DLGAP2: variants seen among roughly 807,000 people sequenced by gnomAD.
The protein encoded by DLGAP2 is DLG associated protein 2, also known as disks large-associated protein 2.
In DLGAP2, 26 loss-of-function variants were observed where a neutral mutation model predicts 100.3. That is an observed-to-expected ratio of 0.26 (90% CI 0.19 to 0.36). DLGAP2 has a LOEUF of 0.36. Ranked by LOEUF, DLGAP2 falls within the 10% of genes least tolerant of loss-of-function variation. The pLI, the probability that DLGAP2 is intolerant of heterozygous loss-of-function variation, is 1.00. For missense variants in DLGAP2, 1,858 were observed against 1,453.2 expected, an observed-to-expected ratio of 1.28 and a Z score of -4.53; for synonymous variants, 886 against 630.1, an observed-to-expected ratio of 1.41 and a Z score of -6.08.
intron 3 of DLGAP2, among the ~76,000 whole-genome samples, chr8:1,325,010 C>G (rs931831099): frequency 6.6e-6 from 1 of 152,194 alleles, no homozygotes; most frequent in African/African-American, 2.4e-5. Context: ...CTGTACTTCC[C>G]CAGGCCAGAT....
chr8:1,098,021 C>T (rs74766032), intron 2 of DLGAP2, among the ~76,000 whole-genome samples: 16,305 of 152,340 alleles, frequency 0.11, 1,030 homozygotes, highest in East Asian at 0.22. Flanking sequence ...GACATTTCTG[C>T]CTCTTCTCTT....
intron 1 of DLGAP2, among the ~76,000 whole-genome samples, chr8:834,008 CAAAG>C (rs1162308839): frequency 2.0e-5 from 3 of 152,192 alleles, no homozygotes; most frequent in Non-Finnish European, 4.4e-5. Context: ...GTGTGGGACA[CAAAG>C]AGGCCTGGAG....
At chr8:1,490,314 C>A (rs960514188) in intron 3 of DLGAP2, among the ~76,000 whole-genome samples, 2 of 152,196 alleles carry the variant, frequency 1.3e-5, no homozygotes, top group African/African-American at 2.4e-5. Flanking sequence ...AAGCACCTTA[C>A]GTGCGGGGTT....
chr8:806,935 G>C (rs1163338145), intron 1 of DLGAP2, among the ~76,000 whole-genome samples: 1 of 152,212 alleles, frequency 6.6e-6, no homozygotes, highest in Non-Finnish European at 1.5e-5. Context: ...GCACTGTGTG[G>C]CTGGGGTCGT....
At chr8:1,386,777 G>A (rs1796229833) in intron 3 of DLGAP2, among the ~76,000 whole-genome samples, 1 of 151,992 alleles carries the variant, frequency 6.6e-6, no homozygotes, top group African/African-American at 2.4e-5. Context: ...GCGGCAAGAA[G>A]GTGAGATCCA....
At chr8:1,642,162 G>A (rs1468742331) in intron 8 of DLGAP2, among the ~76,000 whole-genome samples, 1 of 31,206 alleles carries the variant, frequency 3.2e-5, no homozygotes, top group African/African-American at 2.6e-4. Context: ...CGACCCCGCC[G>A]GTCCCCACCT....
chr8:1,150,149 T>G (rs1796672973), intron 2 of DLGAP2, among the ~76,000 whole-genome samples: 1 of 152,226 alleles, frequency 6.6e-6, no homozygotes, highest in African/African-American at 2.4e-5. Flanking sequence ...AATTTTTGCT[T>G]TAGTGTGAAT....
At chr8:1,645,967 C>T (rs114368940) in intron 8 of DLGAP2, among the ~76,000 whole-genome samples, 143 of 152,290 alleles carry the variant, frequency 9.4e-4, no homozygotes, top group African/African-American at 3.4e-3. Context: ...TGATGTTTGC[C>T]ATTGGTGGTG....
At chr8:1,350,908 C>A (rs1467257717) in intron 3 of DLGAP2, among the ~76,000 whole-genome samples, 1 of 118,032 alleles carries the variant, frequency 8.5e-6, no homozygotes, top group Non-Finnish European at 1.7e-5. Context: ...AAAGGCCGTG[C>A]GGGTCCTGAC....
At chr8:890,523 G>A in intron 1 of DLGAP2, among the ~76,000 whole-genome samples, 1 of 151,572 alleles carries the variant, frequency 6.6e-6, no homozygotes, top group African/African-American at 2.4e-5. Context: ...TGCCAGGATG[G>A]CCCTTCTCTT....
At chr8:993,432 A>C (rs11137120) in intron 2 of DLGAP2, among the ~76,000 whole-genome samples, 1 of 360 alleles carries the variant, frequency 2.8e-3, no homozygotes, top group Non-Finnish European at 6.0e-3. Context: ...CTTCTCTCCC[A>C]CCTTGCCCAG....
chr8:1,392,679 A>G (rs115736050), intron 3 of DLGAP2, among the ~76,000 whole-genome samples: 1,535 of 152,242 alleles, frequency 0.01, 31 homozygotes, highest in African/African-American at 0.035. Flanking sequence ...ATCTCTGGGG[A>G]CTGGGCCAGG....
chr8:1,193,202 T>G lies in DLGAP2; in HGVS notation c.74-65649T>G, dbSNP rs186260836. Among the ~76,000 whole-genome samples the G allele has an allele frequency of 4.2e-3, 638 of 152,304 alleles. 3 individuals are homozygous for G. The highest frequency in any genetic ancestry group is 0.014 in the Middle Eastern group (4 of 294). On this transcript the variant is annotated intron_variant, in intron 2 of 14. Transcript: ENST00000637795. ...GGTATATAACCGGTAATGGGATTGCTGGGTCAAATGGTATTTCTAGTTCTA... is the reference window on the plus strand; with the variant it reads ...GGTATATAACCGGTAATGGGATTGCGGGGTCAAATGGTATTTCTAGTTCTA...
chr8:1,197,565 A>G (rs908760192), intron 2 of DLGAP2, among the ~76,000 whole-genome samples: 13 of 152,102 alleles, frequency 8.5e-5, no homozygotes, highest in Non-Finnish European at 1.8e-4. Flanking sequence ...TGTAGCATCC[A>G]GGCCACCAGC....
intron 2 of DLGAP2, among the ~76,000 whole-genome samples, chr8:1,198,436 G>A (rs1226271577): frequency 6.6e-6 from 1 of 151,954 alleles, no homozygotes; most frequent in Non-Finnish European, 1.5e-5. Flanking sequence ...GGGAGCGCAG[G>A]TGGCAGCTGC....
At chr8:1,355,068 A>C (rs1444304677) in intron 3 of DLGAP2, among the ~76,000 whole-genome samples, 1 of 152,094 alleles carries the variant, frequency 6.6e-6, no homozygotes, top group African/African-American at 2.4e-5. Context: ...GCTGTGGATG[A>C]GGGTGGAAAG....
intron 3 of DLGAP2, among the ~76,000 whole-genome samples, chr8:1,338,532 G>A (rs1801340131): frequency 1.3e-5 from 2 of 152,232 alleles, no homozygotes; most frequent in Admixed American, 6.5e-5. Flanking sequence ...TTGGGGTGAT[G>A]CAAATCCTTT....
chr8:1,317,320 TGCGA>T (rs1800780429), intron 3 of DLGAP2, among the ~76,000 whole-genome samples: 1 of 132,390 alleles, frequency 7.6e-6, no homozygotes, highest in Admixed American at 8.0e-5. Context: ...ATAGAGGCTG[TGCGA>T]GTGCAGCGTC....
intron 2 of DLGAP2, among the ~76,000 whole-genome samples, chr8:1,233,953 G>A (rs904259684): frequency 5.9e-5 from 9 of 152,160 alleles, no homozygotes; most frequent in Non-Finnish European, 1.0e-4. Flanking sequence ...GTCCTAGGAC[G>A]GGGTTTGACC....
Sources: gnomAD v4.1 joint callset for allele counts (sites outside exome capture counted in the v4.1 genomes callset) on GRCh38, gnomAD v4.1.1 for gene constraint, MANE v1.5 for transcripts, NCBI Gene and HGNC (gene_info 2026-07-23, HGNC 2026-07-21) for gene names.